The following UGT2B7 variants were observed in gnomAD, a reference collection of about 807,000 sequenced individuals.
UGT2B7 encodes UDP-glucuronosyltransferase 2B7.
UGT2B7 carries 51 observed loss-of-function variants against 51.9 expected under a neutral mutation model. That is an observed-to-expected ratio of 0.98 (90% CI 0.78 to 1.24). The LOEUF (loss-of-function observed/expected upper bound fraction) is 1.24, where lower values mean the gene tolerates loss of function less well. UGT2B7 is among the 50% of genes most tolerant of loss of function. The probability of loss-of-function intolerance (pLI) is 0.00; values close to 1 mark genes in which losing one functional copy is unlikely to be tolerated. For synonymous variants in UGT2B7, 225 were observed against 211.6 expected (o/e 1.06, Z -0.55); for missense variants, 727 against 628.4 (o/e 1.16, Z -1.68).
At position 69,087,718 on chromosome 4, in the gene UGT2B7, G is replaced by C. The variant is rs578257621; in HGVS notation, c.-158-1754G>C. ...TTCGGTAGGCTCAGTATTTTTGCAT[G>C]GCAGATTTTTTTCAGCACTTTAAAT... On this transcript the variant is annotated intron_variant, in intron 1 of 5. Transcript: ENST00000502942. Among the ~76,000 whole-genome samples, 543 of 99,310 alleles carry C rather than the reference G, an allele frequency of 5.5e-3. 2 individuals are homozygous for C. The highest frequency in any genetic ancestry group is 7.2e-3 in the Non-Finnish European group (383 of 53,252). The allele number at this position is 99,310 out of a possible 152,430, so 65.2% of individuals were successfully genotyped here.
At chr4:69,091,290 T>C (rs1467184345) in intron 2 of UGT2B7, among the ~76,000 whole-genome samples, 1 of 152,210 alleles carries the variant, frequency 6.6e-6, no homozygotes, top group East Asian at 1.9e-4. Context: ...TGAAGCAATG[T>C]AAAATATTTG....
At chr4:69,053,211 T>C (rs1718086036) in intron 1 of UGT2B7, among the ~76,000 whole-genome samples, 1 of 152,282 alleles carries the variant, frequency 6.6e-6, no homozygotes, top group South Asian at 2.1e-4. Flanking sequence ...CATACTAATA[T>C]AAAGGTAAAA....
chr4:69,087,377 A>G (rs1356083846), intron 1 of UGT2B7, among the ~76,000 whole-genome samples: 2 of 151,912 alleles, frequency 1.3e-5, no homozygotes, highest in Admixed American at 6.6e-5. Context: ...CTCAATTTAT[A>G]TCTTTTCATA....
intron 1 of UGT2B7, among the ~76,000 whole-genome samples, chr4:69,072,895 G>A (rs1399517642): frequency 1.3e-5 from 2 of 152,150 alleles, no homozygotes; most frequent in Admixed American, 1.3e-4. Flanking sequence ...TAAAAGTTGT[G>A]TTCCTTCAGA....
At chr4:69,108,057 C>T in intron 4 of UGT2B7, 46 bp from the exon 5 acceptor site, 4 of 1,592,200 alleles carry the variant, frequency 2.5e-6, no homozygotes, top group East Asian at 2.2e-5. Flanking sequence ...TTGTGCATCT[C>T]ATTTTATTCC....
In UGT2B7 at chr4:69,087,745, T is replaced by A. The variant is rs1188685911; in HGVS notation, c.-158-1727T>A. Among the ~76,000 whole-genome samples, 2 of 152,002 alleles carry A rather than the reference T, an allele frequency of 1.3e-5. 1 individual carries two copies. Among genetic ancestry groups the A allele is most frequent in the African/African-American group, 4.8e-5 (2 of 41,440 alleles). On this transcript the variant is annotated intron_variant, in intron 1 of 5. Coordinates refer to the UGT2B7 transcript ENST00000502942. Reference sequence around the variant, plus strand: ...CAGATTTTTTTCAGCACTTTAAATGTATATCTTATTGTCTTCTTGCTCACA... The same window carrying A: ...CAGATTTTTTTCAGCACTTTAAATGAATATCTTATTGTCTTCTTGCTCACA...
intron 1 of UGT2B7, among the ~76,000 whole-genome samples, chr4:69,058,661 G>A (rs1718271037): frequency 6.6e-6 from 1 of 151,796 alleles, no homozygotes; most frequent in Admixed American, 6.6e-5. Flanking sequence ...CAGGCCCAGG[G>A]GGATATCAGG....
At chr4:69,105,924 A>C (rs1361581615) in intron 3 of UGT2B7, among the ~76,000 whole-genome samples, 1 of 152,168 alleles carries the variant, frequency 6.6e-6, no homozygotes, top group Non-Finnish European at 1.5e-5. Flanking sequence ...TCAAAAAGAT[A>C]TGAATACATT....
At chr4:69,065,354 G>A (rs913812634) in intron 1 of UGT2B7, among the ~76,000 whole-genome samples, 1 of 152,056 alleles carries the variant, frequency 6.6e-6, no homozygotes, top group African/African-American at 2.4e-5. Context: ...TAAAGAAGGG[G>A]GATCAAATCC....
chr4:69,091,225 T>C (rs1056542438), intron 2 of UGT2B7, among the ~76,000 whole-genome samples: 4 of 152,228 alleles, frequency 2.6e-5, no homozygotes, highest in Non-Finnish European at 5.9e-5. Flanking sequence ...CAAAATAGTC[T>C]TTATATTATA....
chr4:69,101,853 G>A (rs938947215), intron 2 of UGT2B7, among the ~76,000 whole-genome samples: 2 of 152,120 alleles, frequency 1.3e-5, no homozygotes, highest in South Asian at 2.1e-4. Flanking sequence ...GGAATGTTAC[G>A]TGGTGTGTGT....
chr4:69,071,221 T>C (rs1287826344), intron 1 of UGT2B7, among the ~76,000 whole-genome samples: 1 of 152,090 alleles, frequency 6.6e-6, no homozygotes, highest in Non-Finnish European at 1.5e-5. Context: ...TCTCTTGAAA[T>C]ATGATCTCAC....
intron 1 of UGT2B7, among the ~76,000 whole-genome samples, chr4:69,071,282 C>A (rs1718594182): frequency 6.6e-6 from 1 of 152,036 alleles, no homozygotes; most frequent in South Asian, 2.1e-4. Context: ...ACTTTAATAT[C>A]TGGAATACTG....
chr4:69,054,870 A>G (rs1428335061), intron 1 of UGT2B7, among the ~76,000 whole-genome samples: 1 of 152,100 alleles, frequency 6.6e-6, no homozygotes, highest in African/African-American at 2.4e-5. Flanking sequence ...GGCTGTTCCC[A>G]GTATATACAT....
In UGT2B7 at chr4:69,112,501, A is replaced by G; in HGVS notation, c.1355A>G (p.Gln452Arg). 1 of 1,613,920 alleles carries G rather than the reference A, an allele frequency of 6.2e-7. No individual in the cohort carries two copies. The highest frequency in any genetic ancestry group is 1.1e-5 in the South Asian group (1 of 91,048). Residue 452 changes from glutamine (Q) to arginine (R), a missense_variant, in exon 6 of 6, where the codon CAA (glutamine) becomes CGA (arginine). Transcript: ENST00000305231. ...AAATTATCAAGAATTCAACATGATC[A>G]ACCAGTGAAGCCCCTGGATCGAGCA... ...VMKLSRIQHDQPVKPLDRAVF... is the reference protein window; with the variant it reads ...VMKLSRIQHDRPVKPLDRAVF...
intron 1 of UGT2B7, among the ~76,000 whole-genome samples, chr4:69,079,739 G>A (rs896486920): frequency 2.0e-5 from 3 of 151,980 alleles, no homozygotes; most frequent in African/African-American, 7.2e-5. Flanking sequence ...TGGCCTCTCC[G>A]GATAGGGTCA....
intron 1 of UGT2B7, among the ~76,000 whole-genome samples, chr4:69,081,020 T>A (rs1002549607): frequency 1.3e-5 from 2 of 152,172 alleles, no homozygotes; most frequent in African/African-American, 4.8e-5. Context: ...ATCTTGAAAC[T>A]CTATCACTTT....
At chr4:69,103,016 C>T (rs563041362) in intron 3 of UGT2B7, 78 bp downstream of exon 3, 1 of 1,551,610 alleles carries the variant, frequency 6.4e-7, no homozygotes, top group East Asian at 2.3e-5. Flanking sequence ...ATTATAGAAA[C>T]TTCTGATAAA....
At chr4:69,101,734 T>A (rs1719424283) in intron 2 of UGT2B7, among the ~76,000 whole-genome samples, 5 of 152,196 alleles carry the variant, frequency 3.3e-5, no homozygotes, top group Admixed American at 1.3e-4. Flanking sequence ...AGGAAAAGTT[T>A]TACCCCAATC....
Sources: gnomAD v4.1 joint callset for allele counts (sites outside exome capture counted in the v4.1 genomes callset) on GRCh38, gnomAD v4.1.1 for gene constraint, MANE v1.5 for transcripts, NCBI Gene and HGNC (gene_info 2026-07-23, HGNC 2026-07-21) for gene names.